The following ASH1L variants were observed in gnomAD, a reference collection of about 807,000 sequenced individuals.
The protein encoded by ASH1L is ASH1 like histone lysine methyltransferase.
In ASH1L, 23 loss-of-function variants were observed where a neutral mutation model predicts 269.0. The observed-to-expected ratio is 0.09, with a 90% CI of 0.06 to 0.12. The LOEUF (loss-of-function observed/expected upper bound fraction) is 0.12. Ranked by LOEUF, ASH1L falls within the 10% of genes least tolerant of loss-of-function variation. The pLI is 1.00. For synonymous variants in ASH1L, 1,187 were observed against 1,253.5 expected (o/e 0.95, Z 1.12); for missense variants, 2,912 against 3,567.8 (o/e 0.82, Z 4.68).
chr1:155,433,431 T>C, intron 5 of ASH1L: 1 of 1,609,656 alleles, frequency 6.2e-7, no homozygotes. Flanking sequence ...GGAGTGCGGC[T>C]AGTGCCCCAA....
At chr1:155,357,559 G>T in intron 14 of ASH1L, 26 bp downstream of exon 14, 1 of 1,613,082 alleles carries the variant, frequency 6.2e-7, no homozygotes. Context: ...ACAGCTTTTG[G>T]GGAAAGTCAT....
At chr1:155,563,024 G>GT (rs1357845976), upstream of ASH1L, 3 of 458,272 alleles carry the variant, frequency 6.5e-6, no homozygotes, top group African/African-American at 6.0e-5. Context: ...GGGGCTTGCC[G>GT]TTTGACTGGA....
At chr1:155,367,926 T>A (rs550395790) in intron 12 of ASH1L, among the ~76,000 whole-genome samples, 130 of 152,328 alleles carry the variant, frequency 8.5e-4, no homozygotes, top group African/African-American at 3.1e-3. Flanking sequence ...TTTTTCCTGG[T>A]TAGATTTTAG....
chr1:155,545,905 C>T (rs1172794838), intron 1 of ASH1L, among the ~76,000 whole-genome samples: 1 of 151,906 alleles, frequency 6.6e-6, no homozygotes, highest in Non-Finnish European at 1.5e-5. Flanking sequence ...GACTGTAATC[C>T]CAGCATTTTG....
At chr1:155,360,450 T>C (rs752868011) in intron 12 of ASH1L, 41 bp from the exon 13 acceptor site, 2 of 1,394,406 alleles carry the variant, frequency 1.4e-6, no homozygotes, top group East Asian at 2.3e-5. Context: ...CTGGAAATTT[T>C]TTTTTTTTTT....
At chr1:155,363,768 T>C (rs1655169135) in intron 12 of ASH1L, among the ~76,000 whole-genome samples, 1 of 150,388 alleles carries the variant, frequency 6.6e-6, no homozygotes, top group Non-Finnish European at 1.5e-5. Flanking sequence ...AGGCCAGGAG[T>C]TCGAGACCAG....
intron 6 of ASH1L, among the ~76,000 whole-genome samples, chr1:155,409,357 AG>A (rs1251313199): frequency 1.3e-5 from 2 of 152,190 alleles, no homozygotes; most frequent in African/African-American, 4.8e-5. Context: ...TATTAAACTT[AG>A]GGAAAAAACA....
chr1:155,558,077 G>T (rs966528679), intron 1 of ASH1L, among the ~76,000 whole-genome samples: 5 of 152,136 alleles, frequency 3.3e-5, no homozygotes, highest in African/African-American at 1.2e-4. Context: ...CAGAAATGAA[G>T]GTGGCCAATT....
chr1:155,452,016 C>T (rs1288010347), intron 4 of ASH1L, among the ~76,000 whole-genome samples: 1 of 151,176 alleles, frequency 6.6e-6, no homozygotes, highest in African/African-American at 2.4e-5. Flanking sequence ...CCATTGCACA[C>T]GGCTTTAGAA....
chr1:155,456,204 T>C (rs1221837478), intron 4 of ASH1L, among the ~76,000 whole-genome samples: 1 of 152,226 alleles, frequency 6.6e-6, no homozygotes, highest in Non-Finnish European at 1.5e-5. Flanking sequence ...GTCCATGTAT[T>C]TTCAGGTTTT....
chr1:155,376,464 C>T (rs1038045054), intron 10 of ASH1L, among the ~76,000 whole-genome samples: 2 of 152,164 alleles, frequency 1.3e-5, no homozygotes, highest in South Asian at 2.1e-4. Flanking sequence ...AATTCTATAT[C>T]CACTCCTTTG....
intron 2 of ASH1L, among the ~76,000 whole-genome samples, chr1:155,496,489 G>A (rs1023910287): frequency 4.6e-5 from 7 of 152,172 alleles, no homozygotes; most frequent in East Asian, 1.9e-4. Context: ...ATGTATATGC[G>A]TGTATGGTAA....
intron 6 of ASH1L, among the ~76,000 whole-genome samples, chr1:155,415,077 A>C (rs985553899): frequency 2.6e-5 from 4 of 152,152 alleles, no homozygotes; most frequent in African/African-American, 9.7e-5. Context: ...TTTATTGCTT[A>C]AGTTAATAAG....
chr1:155,392,905 C>A (rs1242021238), intron 7 of ASH1L, among the ~76,000 whole-genome samples: 2 of 150,998 alleles, frequency 1.3e-5, no homozygotes, highest in African/African-American at 2.4e-5. Flanking sequence ...ATGGGGTGAT[C>A]TTGAACTCCT....
In ASH1L at chr1:155,481,430, C is replaced by A. The variant is rs753199844; in HGVS notation, c.1440G>T (p.Lys480Asn). 1 of 1,614,006 alleles carries A rather than the reference C, an allele frequency of 6.2e-7. No homozygotes were observed. Among genetic ancestry groups the A allele is most frequent in the Admixed American group, 1.7e-5 (1 of 60,006 alleles). The change falls in exon 3 of 28, where the codon AAG becomes AAT. Residue 480 changes from lysine (K) to asparagine (N), a missense_variant. By Grantham distance (94) the Lys-to-Asn change is moderately conservative (BLOSUM62 0). Coordinates refer to ENST00000392403, the MANE Select transcript of ASH1L (RefSeq NM_018489.3). The stretch of plus-strand genomic sequence containing the variant: ...TAATGATTTCTTTTCGTACTGAGAA[C>A]TTTTCCAATATGCTTTCTTTATTCT... ...VRQNKESILEKFSVRKEIINL... is the reference protein window; with the variant it reads ...VRQNKESILENFSVRKEIINL...
chr1:155,446,174 G>A (rs778626653), intron 4 of ASH1L, among the ~76,000 whole-genome samples: 8 of 150,626 alleles, frequency 5.3e-5, no homozygotes, highest in African/African-American at 1.7e-4. Context: ...GTGAGCCACC[G>A]CACCCGGCCA....
chr1:155,444,522 C>G (rs1392061893), intron 4 of ASH1L, among the ~76,000 whole-genome samples: 1 of 152,120 alleles, frequency 6.6e-6, no homozygotes, highest in South Asian at 2.1e-4. Context: ...CATATGCATT[C>G]TTTTGAGAAA....
chr1:155,417,091 C>G (rs1326939424), intron 5 of ASH1L, among the ~76,000 whole-genome samples: 1 of 151,838 alleles, frequency 6.6e-6, no homozygotes, highest in Non-Finnish European at 1.5e-5. Context: ...GCCACCACAC[C>G]CAGCTTATTT....
At chr1:155,345,139 T>C (rs757182407) in intron 21 of ASH1L, among the ~76,000 whole-genome samples, 3 of 149,166 alleles carry the variant, frequency 2.0e-5, no homozygotes, top group Non-Finnish European at 4.4e-5. Context: ...GTATTTTTAG[T>C]AGAGACGGGG....
Sources: allele counts gnomAD v4.1 joint callset (sites outside exome capture counted in the v4.1 genomes callset), GRCh38; gene constraint gnomAD v4.1.1; transcripts MANE v1.5; gene names NCBI Gene and HGNC (gene_info 2026-07-23, HGNC 2026-07-21).